Variants in PLCE1 observed in about 807,000 individuals in gnomAD.
PLCE1 encodes the protein 1-phosphatidylinositol 4,5-bisphosphate phosphodiesterase epsilon-1.
In PLCE1, 119 loss-of-function variants were observed where a neutral mutation model predicts 242.8. The ratio of observed to expected loss-of-function variants is 0.49; its 90% CI spans 0.42 to 0.57. The LOEUF is 0.57. Ranked by LOEUF, PLCE1 falls within the 20% of genes least tolerant of loss-of-function variation. PLCE1 has a pLI of 0.00. For synonymous variants in PLCE1, 945 were observed against 1,017.4 expected, an observed-to-expected ratio of 0.93 and a Z score of 1.35; for missense variants, 2,441 against 2,788.8, an observed-to-expected ratio of 0.88 and a Z score of 2.81.
At chr10:94,210,298 G>A (rs1275527130) in intron 4 of PLCE1, among the ~76,000 whole-genome samples, 2 of 151,740 alleles carry the variant, frequency 1.3e-5, no homozygotes, top group African/African-American at 2.4e-5. Context: ...ACTCCTCTGA[G>A]GTTAAAACTC....
At chr10:94,130,608 C>T (rs2046571602) in intron 2 of PLCE1, among the ~76,000 whole-genome samples, 1 of 152,178 alleles carries the variant, frequency 6.6e-6, no homozygotes, top group African/African-American at 2.4e-5. Context: ...TGACCCCAAA[C>T]CTGGGCTCTT....
chr10:94,158,008 G>A (rs572305778), intron 3 of PLCE1, among the ~76,000 whole-genome samples: 12 of 152,206 alleles, frequency 7.9e-5, no homozygotes, highest in African/African-American at 1.7e-4. Flanking sequence ...GTGAGATCTC[G>A]GAAGAGAGCT....
intron 7 of PLCE1, among the ~76,000 whole-genome samples, chr10:94,236,990 T>C (rs1472304181): frequency 2.0e-5 from 3 of 152,152 alleles, no homozygotes; most frequent in Non-Finnish European, 4.4e-5. Context: ...AAATAAAACA[T>C]ACAAAAATGT....
chr10:94,059,777 T>C (rs1337273114), intron 2 of PLCE1, among the ~76,000 whole-genome samples: 1 of 152,180 alleles, frequency 6.6e-6, no homozygotes, highest in East Asian at 1.9e-4. Context: ...TTTATTAGTG[T>C]TTCAAAACAT....
rs1313467465 is a variant in PLCE1 at position 94,246,093 on chromosome 10, T to C, written c.2568T>C (p.Asp856=). 6.2e-7 allele frequency: 1 copy of C among 1,614,120 alleles called. No individual in the cohort carries two copies. The highest frequency in any genetic ancestry group is 1.7e-5 in the Admixed American group (1 of 60,028). ...IPWYVLSIQA[D]VHQFLLQGAT... ...GGTACGTGCTGTCCATCCAAGCCGA[T>C]GTGCACCAGTTCCTGCTGCAGGGGG... The change falls in exon 8 of 33, where the codon GAT becomes GAC. Residue 856 remains aspartate (D), a synonymous_variant. Coordinates refer to ENST00000371380, the MANE Select transcript of PLCE1 (RefSeq NM_016341.4).
intron 2 of PLCE1, among the ~76,000 whole-genome samples, chr10:94,071,646 A>G (rs925522869): frequency 6.6e-6 from 1 of 151,660 alleles, no homozygotes; most frequent in Non-Finnish European, 1.5e-5. Flanking sequence ...CTACAGGTGC[A>G]TGCCACCATG....
chr10:94,008,587 G>A (rs1011336334), intron 1 of PLCE1, among the ~76,000 whole-genome samples: 1 of 152,184 alleles, frequency 6.6e-6, no homozygotes, highest in African/African-American at 2.4e-5. Context: ...GGGATTACAA[G>A]CTTAAGCCAT....
intron 4 of PLCE1, among the ~76,000 whole-genome samples, chr10:94,184,846 A>AT (rs34395696): frequency 1.5e-4 from 22 of 147,900 alleles, no homozygotes; most frequent in South Asian, 2.1e-4. Flanking sequence ...TGACTTGCTT[A>AT]TTTTTTTTTT....
At chr10:94,078,674 C>T (rs1230435895) in intron 2 of PLCE1, among the ~76,000 whole-genome samples, 4 of 152,048 alleles carry the variant, frequency 2.6e-5, no homozygotes, top group Non-Finnish European at 4.4e-5. Flanking sequence ...TTAGCAGAGA[C>T]GAGTTTCACC....
chr10:94,185,001 G>A (rs1256705019), intron 4 of PLCE1, among the ~76,000 whole-genome samples: 1 of 152,186 alleles, frequency 6.6e-6, no homozygotes, highest in Non-Finnish European at 1.5e-5. Context: ...ATTAGGTACT[G>A]TTAGAAATAC....
chr10:94,179,570 A>G (rs1469725400), intron 4 of PLCE1, among the ~76,000 whole-genome samples: 2 of 127,168 alleles, frequency 1.6e-5, no homozygotes, highest in African/African-American at 6.0e-5. Flanking sequence ...ACAGTGGCTG[A>G]TCTTTGCTCA....
chr10:94,316,487 A>G (rs1366164991), intron 28 of PLCE1, 60 bp from the exon 29 acceptor site: 1 of 1,053,150 alleles, frequency 9.5e-7, no homozygotes, highest in Admixed American at 1.7e-5. Flanking sequence ...GAACACCATG[A>G]AAGTTGATTT....
At chr10:94,106,954 T>TTC (rs2045767497) in intron 2 of PLCE1, 1 of 18,494 alleles carries the variant, frequency 5.4e-5, no homozygotes, top group Non-Finnish European at 1.1e-4. Context: ...CCCCCTCCCC[T>TTC]CCCCCCCCCA....
In PLCE1 at chr10:94,171,938, C is replaced by T. The variant is rs145501681; in HGVS notation, c.1809+442C>T. On this transcript the variant is annotated intron_variant, in intron 4 of 32. Transcript: ENST00000371380. ...TATTAGGACTCCCTCAGCAGAAACA[C>T]CTAGGTCACCAGAGAAGGCAGGAAA... is the stretch of plus-strand genomic sequence containing the variant. 7.3e-3 allele frequency among the ~76,000 whole-genome samples: 1,115 copies of T among 152,252 alleles called. 16 individuals are homozygous for T. The highest frequency in any genetic ancestry group is 0.025 in the African/African-American group (1,053 of 41,522).
intron 4 of PLCE1, among the ~76,000 whole-genome samples, chr10:94,184,326 TTTA>T (rs2048403628): frequency 6.6e-6 from 1 of 151,928 alleles, no homozygotes; most frequent in Admixed American, 6.6e-5. Context: ...CCAACTTAAC[TTTA>T]TTTATTTATT....
At chr10:94,249,196 A>G (rs900971665) in intron 8 of PLCE1, among the ~76,000 whole-genome samples, 10 of 152,254 alleles carry the variant, frequency 6.6e-5, no homozygotes, top group African/African-American at 2.4e-4. Context: ...AACGTGCCTT[A>G]GAAACAGACA....
At chr10:94,276,924 T>G (rs2051975134) in intron 19 of PLCE1, among the ~76,000 whole-genome samples, 1 of 152,160 alleles carries the variant, frequency 6.6e-6, no homozygotes, top group Non-Finnish European at 1.5e-5. Context: ...CAGCAATGAT[T>G]CCACAGTCAC....
intron 2 of PLCE1, among the ~76,000 whole-genome samples, chr10:94,123,420 AG>A (rs1266096783): frequency 6.6e-6 from 1 of 152,142 alleles, no homozygotes; most frequent in Non-Finnish European, 1.5e-5. Flanking sequence ...GTCTTTCCGG[AG>A]TTCTGTTTGG....
chr10:94,267,992 T>G (rs1295958292), intron 16 of PLCE1, among the ~76,000 whole-genome samples: 1 of 152,240 alleles, frequency 6.6e-6, no homozygotes, highest in Non-Finnish European at 1.5e-5. Context: ...CATTCTAAAA[T>G]CAGTGGGTAG....
Sources: gnomAD v4.1 joint callset for allele counts (sites outside exome capture counted in the v4.1 genomes callset) on GRCh38, gnomAD v4.1.1 for gene constraint, MANE v1.5 for transcripts, NCBI Gene and HGNC (gene_info 2026-07-23, HGNC 2026-07-21) for gene names.